Variants in FBXO21 observed in about 807,000 individuals in gnomAD.
FBXO21 encodes the protein F-box protein 21.
Under a neutral mutation model 76.6 loss-of-function variants are expected in FBXO21, and 32 were observed. That is an observed-to-expected ratio of 0.42 (90% confidence interval 0.32 to 0.56). The LOEUF (loss-of-function observed/expected upper bound fraction) is 0.56. Among genes scored for constraint, FBXO21 ranks in the 20% least tolerant of loss-of-function variants. The pLI is 0.16. For missense variants in FBXO21, 586 were observed against 797.3 expected (o/e 0.73, Z 3.19); for synonymous variants, 328 against 311.5 (o/e 1.05, Z -0.56).
Position 117,158,175 on chromosome 12 carries a change from AGG to A in FBXO21, c.1327-114_1327-113del, listed in dbSNP as rs1955939037. 1.2e-5 allele frequency: 15 copies of A among 1,216,804 alleles called. No individual in the cohort carries two copies. In the South Asian group the frequency reaches 2.0e-4, roughly 16 times the overall value. The allele number at this position is 1,216,804 out of a possible 1,614,324, so 75.4% of individuals were successfully genotyped here. A position where few individuals can be genotyped will look rare whatever the true frequency, so the allele number is the denominator to read the frequency against. The stretch of plus-strand genomic sequence containing the variant: ...TAACCTAACAAAGCAAAGGACCAAA[AGG>A]GGTGGCTATGCCCTGATCGAACCGG... On this transcript the variant is annotated intron_variant, in intron 9 of 11. Coordinates refer to ENST00000622495, the MANE Select transcript of FBXO21 (RefSeq NM_015002.3).
chr12:117,159,938 G>T (rs577378943), intron 9 of FBXO21, among the ~76,000 whole-genome samples: 1 of 152,168 alleles, frequency 6.6e-6, no homozygotes, highest in Non-Finnish European at 1.5e-5. Flanking sequence ...ATTGTGCCTC[G>T]GGGCCTGGCG....
chr12:117,161,607 C>T (rs1469436343), intron 9 of FBXO21, among the ~76,000 whole-genome samples: 3 of 152,130 alleles, frequency 2.0e-5, no homozygotes, highest in Non-Finnish European at 2.9e-5. Flanking sequence ...CTGGTCTCAG[C>T]GGGTCGACTT....
chr12:117,146,126 C>T lies in FBXO21; in HGVS notation c.1827G>A (p.Gln609=). 2 of 1,612,402 alleles carry T rather than the reference C, an allele frequency of 1.2e-6. No homozygotes were observed. Among genetic ancestry groups the T allele is most frequent in the Non-Finnish European group, 8.5e-7 (1 of 1,179,378 alleles). ...TCTCTTTCTTTGCACTGTAAATATT[C>T]TGCACCGTTTCATAGACAAACTCCA... is the stretch of plus-strand genomic sequence containing the variant. ...EDLEFVYETV[Q]NIYSAKKENI... The change falls in exon 12 of 12, where the codon CAG becomes CAA. Residue 609 remains glutamine (Q), a synonymous_variant. Transcript: ENST00000622495.
intron 9 of FBXO21, among the ~76,000 whole-genome samples, chr12:117,158,515 AG>A (rs1170138041): frequency 6.6e-6 from 1 of 152,112 alleles, no homozygotes; most frequent in Non-Finnish European, 1.5e-5. Context: ...ACGAATTCAG[AG>A]GGGAAAAAAA....
rs1956135900 is a variant in FBXO21 at position 117,173,227 on chromosome 12, C to T, written c.877-620G>A. 2.0e-5 allele frequency among the ~76,000 whole-genome samples: 3 copies of T among 152,080 alleles called. No individual in the cohort carries two copies. In the South Asian group the frequency reaches 6.2e-4, roughly 32 times the overall value. On this transcript the variant is annotated intron_variant, in intron 6 of 11. Coordinates refer to ENST00000622495, the MANE Select transcript of FBXO21 (RefSeq NM_015002.3). ...TGCATTTTTAGTAGAAACAGGGTTT[C>T]GCCATGTTGGCCAGGCTGGTCTCGA...
chr12:117,167,724 C>A lies in FBXO21; in HGVS notation c.1014-647G>T, dbSNP rs1308418280. Among the ~76,000 whole-genome samples, 3 of 144,226 alleles carry A rather than the reference C, an allele frequency of 2.1e-5. No individual in the cohort carries two copies. In the Admixed American group the frequency reaches 2.2e-4, roughly 11 times the overall value. 94.6% of individuals were successfully genotyped at this position (144,226 alleles called of 152,430 possible). A position where few individuals can be genotyped will look rare whatever the true frequency, so the allele number is the denominator to read the frequency against. On this transcript the variant is annotated intron_variant, in intron 7 of 11. Transcript: ENST00000622495. The stretch of plus-strand genomic sequence containing the variant: ...CTACTGCACTGCACTCCAGCCTGGG[C>A]GACAGAAAAAGACTCTGTCTCAAAA...
intron 9 of FBXO21, 131 bp downstream of exon 9, chr12:117,165,354 T>C: frequency 1.0e-6 from 1 of 955,422 alleles, no homozygotes; most frequent in Non-Finnish European, 1.5e-6. Context: ...ACCAATGGGT[T>C]ATGATTGGGA....
chr12:117,178,145 T>G (rs1956192699), intron 3 of FBXO21, among the ~76,000 whole-genome samples: 2 of 152,132 alleles, frequency 1.3e-5, no homozygotes, highest in Non-Finnish European at 2.9e-5. Context: ...ACTTTCATCT[T>G]TCTTCCCCTC....
In FBXO21 at chr12:117,165,553, G is replaced by A; in HGVS notation, c.1258C>T (p.Pro420Ser). ...AGGAGGAGAAGCTGCACCTGGTCCGGGTACATTGCCAGATAGAGATCCAGC... is the reference window on the plus strand; with the variant it reads ...AGGAGGAGAAGCTGCACCTGGTCCGAGTACATTGCCAGATAGAGATCCAGC... ...DSLDLYLAMY[P>S]DQVQLLLLQA... The change falls in exon 9 of 12, where the codon CCG becomes TCG. Residue 420 changes from proline to serine, a missense_variant. This residue lies in a region of FBXO21 where 14 missense variants were observed against 18.3 expected (regional missense o/e 0.76). Transcript: ENST00000622495. The A allele has an allele frequency of 6.2e-7, 1 of 1,613,950 alleles. No homozygotes were observed.
At chr12:117,161,869 G>A (rs1445352653) in intron 9 of FBXO21, among the ~76,000 whole-genome samples, 8 of 152,340 alleles carry the variant, frequency 5.3e-5, no homozygotes, top group Non-Finnish European at 1.0e-4. Flanking sequence ...AAAAGTAACC[G>A]AGTGTTCCCA....
At chr12:117,174,891 T>C in intron 4 of FBXO21, 94 bp from the exon 5 acceptor site, 1 of 1,294,648 alleles carries the variant, frequency 7.7e-7, no homozygotes, top group Admixed American at 2.0e-5. Context: ...ACATGGCTCT[T>C]TACACCATCC....
In FBXO21 at chr12:117,146,031, T is replaced by G. The variant is rs868354353; in HGVS notation, c.*56A>C. The G allele has an allele frequency of 1.3e-5, 19 of 1,426,092 alleles. No homozygotes were observed. In the Middle Eastern group the frequency reaches 2.3e-3, roughly 172 times the overall value. The allele number at this position is 1,426,092 out of a possible 1,614,324, so 88.3% of individuals were successfully genotyped here. On this transcript the variant is annotated 3_prime_UTR_variant, in exon 12 of 12. Transcript: ENST00000622495. ...TCCGTGGAGACGTCTTCTTCCGGAG[T>G]CCCGTTCTCTTGGAAGATAGCAGCA...
rs1291637403 is a variant in FBXO21, at chr12:117,174,250, C to A, written c.831G>T (p.Gly277=). 1 of 1,613,364 alleles carries A rather than the reference C, an allele frequency of 6.2e-7. No homozygotes were observed. The highest frequency in any genetic ancestry group is 8.5e-7 in the Non-Finnish European group (1 of 1,179,420). Residue 277 remains glycine (G), a synonymous_variant, in exon 6 of 12, where the codon GGG becomes GGT. Transcript: ENST00000622495. Reference sequence around the variant, plus strand: ...GGGCATTATAGTAATCCATTCGATTCCCCTTGAACTTCAGTTGGTCGTAAA... The same window carrying A: ...GGGCATTATAGTAATCCATTCGATTACCCTTGAACTTCAGTTGGTCGTAAA... The part of the protein sequence containing the change: ...YVLYDQLKFK[G]NRMDYYNALN...
At chr12:117,171,115 G>A (rs1311920204) in intron 7 of FBXO21, among the ~76,000 whole-genome samples, 1 of 152,048 alleles carries the variant, frequency 6.6e-6, no homozygotes, top group African/African-American at 2.4e-5. Context: ...TGTAATCCCA[G>A]CACCTTGGGA....
At chr12:117,165,218 A>G (rs1470162039) in intron 9 of FBXO21, among the ~76,000 whole-genome samples, 1 of 152,156 alleles carries the variant, frequency 6.6e-6, no homozygotes, top group Non-Finnish European at 1.5e-5. Context: ...TGAGGGCCCC[A>G]GTGGTTGAGT....
intron 7 of FBXO21, among the ~76,000 whole-genome samples, chr12:117,171,012 A>G (rs1363270547): frequency 6.6e-6 from 1 of 152,186 alleles, no homozygotes; most frequent in Non-Finnish European, 1.5e-5. Flanking sequence ...AACACAAGGG[A>G]AGCCTGTATG....
chr12:117,184,599 C>A (rs1344519473), intron 3 of FBXO21, among the ~76,000 whole-genome samples: 5 of 152,080 alleles, frequency 3.3e-5, no homozygotes, highest in Non-Finnish European at 7.4e-5. Flanking sequence ...ACTAAAAATA[C>A]AAAATTAGCT....
chr12:117,167,517 C>T (rs1380330598), intron 7 of FBXO21, among the ~76,000 whole-genome samples: 1 of 152,024 alleles, frequency 6.6e-6, no homozygotes, highest in Admixed American at 6.6e-5. Context: ...GAGGCCGAGG[C>T]GGGTGGATCA....
At chr12:117,165,719 A>C in intron 8 of FBXO21, 102 bp from the exon 9 acceptor site, 1 of 1,194,854 alleles carries the variant, frequency 8.4e-7, no homozygotes, top group Non-Finnish European at 1.1e-6. Context: ...ACAAATCCCA[A>C]ACGTTTTCTG....
Sources: allele counts gnomAD v4.1 joint callset (sites outside exome capture counted in the v4.1 genomes callset), GRCh38; gene constraint gnomAD v4.1.1; regional missense constraint gnomAD v4.1.1; transcripts MANE v1.5; gene names NCBI Gene and HGNC (gene_info 2026-07-23, HGNC 2026-07-21).